Variants in TYW1B observed in about 807,000 individuals in gnomAD.
The protein encoded by TYW1B is tRNA-yW synthesizing protein 1 homolog B.
In TYW1B, 73 loss-of-function variants were observed where a neutral mutation model predicts 86.9. That is an observed-to-expected ratio of 0.84 (90% confidence interval 0.70 to 1.02). TYW1B has a LOEUF of 1.02. Ranked by LOEUF, TYW1B falls within the 50% of genes least tolerant of loss-of-function variation. TYW1B has a pLI of 0.00. For synonymous variants in TYW1B, 248 were observed against 292.8 expected (o/e 0.85, Z 1.56); for missense variants, 637 against 827.4 (o/e 0.77, Z 2.82).
chr7:72,820,888 G>A (rs1233491002), intron 2 of TYW1B, among the ~76,000 whole-genome samples: 1 of 152,210 alleles, frequency 6.6e-6, no homozygotes, highest in Non-Finnish European at 1.5e-5. Flanking sequence ...TCAAAGCTGT[G>A]AGAATCAACA....
intron 1 of TYW1B, 21 bp from the exon 2 acceptor site, chr7:72,827,006 A>C: frequency 6.3e-7 from 1 of 1,590,896 alleles, no homozygotes; most frequent in Non-Finnish European, 8.5e-7. Flanking sequence ...AATGACACAC[A>C]CAGATAATTT....
At chr7:72,804,054 G>A (rs1788451863) in intron 5 of TYW1B, among the ~76,000 whole-genome samples, 1 of 151,794 alleles carries the variant, frequency 6.6e-6, no homozygotes, top group South Asian at 2.1e-4. Flanking sequence ...GGAGGCCGAG[G>A]CAGATGGATC....
chr7:72,668,403 A>T (rs1813516654), intron 11 of TYW1B, among the ~76,000 whole-genome samples: 1 of 152,250 alleles, frequency 6.6e-6, no homozygotes, highest in Admixed American at 6.5e-5. Context: ...ACAGCCTTTT[A>T]AAAGCTCTCT....
At chr7:72,711,106 G>C (rs759201212) in intron 10 of TYW1B, among the ~76,000 whole-genome samples, 1 of 152,080 alleles carries the variant, frequency 6.6e-6, no homozygotes, top group Non-Finnish European at 1.5e-5. Context: ...AAAGTCTCTT[G>C]GGTAACTGCC....
At chr7:72,670,962 G>C (rs1275697284) in intron 11 of TYW1B, among the ~76,000 whole-genome samples, 2 of 152,114 alleles carry the variant, frequency 1.3e-5, no homozygotes, top group Non-Finnish European at 2.9e-5. Flanking sequence ...ATTCCAGTCT[G>C]TAAATAAATG....
At chr7:72,634,409 G>A (rs546541626) in intron 11 of TYW1B, among the ~76,000 whole-genome samples, 3 of 144,696 alleles carry the variant, frequency 2.1e-5, no homozygotes, top group Middle Eastern at 3.5e-3. Context: ...GGCTGGTCTC[G>A]AACTCTTGGG....
intron 2 of TYW1B, among the ~76,000 whole-genome samples, chr7:72,822,197 A>G (rs1407081266): frequency 3.3e-5 from 5 of 150,884 alleles, no homozygotes; most frequent in Admixed American, 1.3e-4. Flanking sequence ...AGAAGAAGAA[A>G]AAAGAAGAAT....
intron 8 of TYW1B, among the ~76,000 whole-genome samples, chr7:72,731,524 A>T (rs1554459961): frequency 5.9e-5 from 9 of 152,172 alleles, no homozygotes. Flanking sequence ...TAAAAGATAT[A>T]AACTGGCTGA....
intron 5 of TYW1B, 81 bp downstream of exon 5, chr7:72,806,985 G>T: frequency 6.6e-7 from 1 of 1,522,520 alleles, no homozygotes; most frequent in Admixed American, 2.0e-5. Flanking sequence ...CCAACGAGAT[G>T]GTTTATTGAG....
At chr7:72,739,622 A>AAG (rs1787266986) in intron 8 of TYW1B, among the ~76,000 whole-genome samples, 2 of 148,958 alleles carry the variant, frequency 1.3e-5, no homozygotes, top group African/African-American at 2.5e-5. Context: ...AAAAAAAAAA[A>AAG]GTGGGTAGAG....
At chr7:72,685,995 T>G (rs1463044974) in intron 11 of TYW1B, among the ~76,000 whole-genome samples, 1 of 152,112 alleles carries the variant, frequency 6.6e-6, no homozygotes, top group Non-Finnish European at 1.5e-5. Context: ...AACAGACATC[T>G]CTTCAAAGAT....
At chr7:72,762,182 T>G (rs1362026010) in intron 7 of TYW1B, among the ~76,000 whole-genome samples, 2 of 152,194 alleles carry the variant, frequency 1.3e-5, no homozygotes, top group African/African-American at 4.8e-5. Flanking sequence ...CTAAACTATT[T>G]CTATTTCTTC....
At chr7:72,602,635 A>G (rs1432798969) in intron 13 of TYW1B, among the ~76,000 whole-genome samples, 2 of 152,132 alleles carry the variant, frequency 1.3e-5, no homozygotes, top group Non-Finnish European at 2.9e-5. Context: ...TAATAATTCA[A>G]AAACACGTGG....
At chr7:72,618,609 CA>C (rs1399617625) in intron 12 of TYW1B, among the ~76,000 whole-genome samples, 1 of 152,146 alleles carries the variant, frequency 6.6e-6, no homozygotes, top group Non-Finnish European at 1.5e-5. Context: ...TGAGCTTTGC[CA>C]AACACTCGAC....
intron 13 of TYW1B, among the ~76,000 whole-genome samples, chr7:72,593,607 G>T (rs1342892435): frequency 2.6e-5 from 4 of 152,028 alleles, no homozygotes; most frequent in African/African-American, 9.7e-5. Flanking sequence ...CGGATCACAA[G>T]GTCAGGAGAT....
intron 7 of TYW1B, among the ~76,000 whole-genome samples, chr7:72,759,442 TG>T (rs1452918147): frequency 7.8e-6 from 1 of 128,356 alleles, no homozygotes; most frequent in African/African-American, 2.8e-5. Context: ...TAATAAGAAA[TG>T]GAATAAGATT....
intron 6 of TYW1B, among the ~76,000 whole-genome samples, chr7:72,794,535 G>A (rs1354694471): frequency 7.3e-5 from 11 of 151,554 alleles, no homozygotes; most frequent in Non-Finnish European, 1.6e-4. Context: ...CAGCCTGGAT[G>A]AGACAGCGAG....
At chr7:72,738,821 A>C (rs567590723) in intron 8 of TYW1B, among the ~76,000 whole-genome samples, 1 of 152,268 alleles carries the variant, frequency 6.6e-6, no homozygotes, top group African/African-American at 2.4e-5. Context: ...CTATAATCTC[A>C]GCACTTTGGG....
chr7:72,727,831 A>AAAAG (rs1554237443), intron 9 of TYW1B, among the ~76,000 whole-genome samples: 35 of 104,226 alleles, frequency 3.4e-4, no homozygotes, highest in Middle Eastern at 5.3e-3. Flanking sequence ...AAAAAAAAAA[A>AAAAG]AAGAAGAAAG....
Sources: allele counts gnomAD v4.1 joint callset (sites outside exome capture counted in the v4.1 genomes callset), GRCh38; gene constraint gnomAD v4.1.1; transcripts MANE v1.5; gene names NCBI Gene and HGNC (gene_info 2026-07-23, HGNC 2026-07-21).